Variants in ZNF800 observed in about 807,000 individuals in gnomAD.
ZNF800 encodes the protein zinc finger protein 800.
ZNF800 carries 13 observed loss-of-function variants against 59.5 expected under a neutral mutation model. The ratio of observed to expected loss-of-function variants is 0.22; its 90% confidence interval spans 0.14 to 0.35. The LOEUF (loss-of-function observed/expected upper bound fraction) is 0.35, where lower values mean the gene tolerates loss of function less well. ZNF800 is among the 10% of genes least tolerant of loss of function. The pLI is 1.00. For synonymous variants in ZNF800, 266 were observed against 265.7 expected (o/e 1.00, Z -0.01); for missense variants, 621 against 783.7 (o/e 0.79, Z 2.48).
rs1467810032 is a variant in ZNF800 at position 127,377,711 on chromosome 7, G to C, written c.158-382C>G. On this transcript the variant is annotated intron_variant, in intron 3 of 5. Coordinates refer to ENST00000265827, the MANE Select transcript of ZNF800 (RefSeq NM_176814.5). This position sits in a 1 kb window ranked among gnomAD's most constrained non-coding sequence, Gnocchi z 4.7. ...TTGGAGTAGGACAGAAAAATTAAAT[G>C]TTCCCCCATTATTCCCTGGCAAACT... 6.6e-6 allele frequency among the ~76,000 whole-genome samples: 1 copy of C among 152,016 alleles called. No individual in the cohort carries two copies. Among genetic ancestry groups the C allele is most frequent in the East Asian group, 1.9e-4 (1 of 5,198 alleles).
intron 1 of ZNF800, among the ~76,000 whole-genome samples, chr7:127,359,569 C>T (rs533243657): frequency 4.8e-4 from 73 of 152,140 alleles, no homozygotes; most frequent in African/African-American, 1.7e-3. Context: ...CTAGTCCTAA[C>T]AATATCATAA....
downstream of ZNF800, among the ~76,000 whole-genome samples, chr7:127,343,755 G>A (rs1349631275): frequency 1.3e-5 from 2 of 151,840 alleles, no homozygotes; most frequent in Non-Finnish European, 2.9e-5. Context: ...GTTCAACATT[G>A]TTACAAGAAA....
downstream of ZNF800, among the ~76,000 whole-genome samples, chr7:127,366,822 A>C (rs1302816307): frequency 1.3e-5 from 2 of 152,138 alleles, no homozygotes; most frequent in Non-Finnish European, 2.9e-5. Flanking sequence ...AAGAGCAGCC[A>C]ATCTACAGAC....
chr7:127,354,469 C>T (rs1158888344), intron 1 of ZNF800, among the ~76,000 whole-genome samples: 1 of 148,808 alleles, frequency 6.7e-6, no homozygotes, highest in African/African-American at 2.5e-5. Context: ...AATTTTCAGA[C>T]ATTGTTAAGT....
rs35499163 is a variant in ZNF800, at chr7:127,381,439, A to AATAT, written c.158-4114_158-4111dup. 9.2e-5 allele frequency among the ~76,000 whole-genome samples: 14 copies of AATAT among 151,382 alleles called. No homozygotes were observed. The East Asian group carries it at 1.2e-3, about 13-fold the overall frequency. On this transcript the variant is annotated intron_variant, in intron 3 of 5. Transcript: ENST00000265827. ...AACTATCACCTGTAAGGGCTGGTTA[A>AATAT]ATATATATATATGTTAATTATAGAG...
downstream of ZNF800, among the ~76,000 whole-genome samples, chr7:127,366,153 T>TA (rs1483714326): frequency 1.3e-5 from 2 of 152,054 alleles, no homozygotes; most frequent in East Asian, 1.9e-4. Context: ...TCTTGACTCT[T>TA]AAAAAATCCG....
At chr7:127,366,571 G>T (rs1419397), downstream of ZNF800, among the ~76,000 whole-genome samples, 138,983 of 152,208 alleles carry the variant, frequency 0.91, 63,537 homozygotes, top group East Asian at 1. Flanking sequence ...TTTCTCAGTA[G>T]GGAAAGGATT....
chr7:127,386,871 T>C (rs913834164), intron 2 of ZNF800, among the ~76,000 whole-genome samples: 2 of 152,148 alleles, frequency 1.3e-5, no homozygotes, highest in Non-Finnish European at 2.9e-5. Context: ...ACATAGGTTA[T>C]AGAATATGAT....
chr7:127,358,673 G>A (rs992604239), intron 1 of ZNF800, among the ~76,000 whole-genome samples: 14 of 151,988 alleles, frequency 9.2e-5, no homozygotes, highest in Admixed American at 2.0e-4. Flanking sequence ...CAAAACTCAA[G>A]AATAAATTTA....
downstream of ZNF800, among the ~76,000 whole-genome samples, chr7:127,368,562 T>C (rs1166138241): frequency 6.6e-6 from 1 of 152,112 alleles, no homozygotes; most frequent in East Asian, 1.9e-4. Context: ...CTTCAATGGG[T>C]CACTGCAGGA....
intron 2 of ZNF800, among the ~76,000 whole-genome samples, chr7:127,388,280 C>CA (rs1485546878): frequency 6.6e-6 from 1 of 152,158 alleles, no homozygotes; most frequent in Non-Finnish European, 1.5e-5. Context: ...ACCAAAAAAT[C>CA]TTTTTTCAAA....
chr7:127,365,919 A>G (rs1800496586), downstream of ZNF800, among the ~76,000 whole-genome samples: 1 of 152,160 alleles, frequency 6.6e-6, no homozygotes, highest in Admixed American at 6.5e-5. Flanking sequence ...AGTGATCACT[A>G]CGACAGTAAT....
downstream of ZNF800, among the ~76,000 whole-genome samples, chr7:127,346,481 G>C (rs1423827151): frequency 1.3e-5 from 2 of 152,206 alleles, no homozygotes; most frequent in African/African-American, 4.8e-5. Context: ...AGAAATTGCT[G>C]TTCAAGAGTG....
At chr7:127,376,586 TA>T (rs1800792717) in intron 4 of ZNF800, among the ~76,000 whole-genome samples, 1 of 151,940 alleles carries the variant, frequency 6.6e-6, no homozygotes, top group Non-Finnish European at 1.5e-5. Context: ...GATCTCAAGT[TA>T]GCCTGTAACA....
downstream of ZNF800, among the ~76,000 whole-genome samples, chr7:127,344,174 A>T (rs766800104): frequency 8.6e-5 from 13 of 152,032 alleles, no homozygotes; most frequent in Non-Finnish European, 1.6e-4. Context: ...AAGAGAATCA[A>T]CTAGGGAGTA....
At chr7:127,354,227 A>T (rs1405207572) in intron 1 of ZNF800, among the ~76,000 whole-genome samples, 1 of 152,092 alleles carries the variant, frequency 6.6e-6, no homozygotes, top group South Asian at 2.1e-4. Flanking sequence ...AATTTCCCTT[A>T]TTATTTTTTA....
chr7:127,377,193 C>A lies in ZNF800; in HGVS notation c.294G>T (p.Met98Ile), dbSNP rs770578133. ...TATATGAATAAAACTTACTGTCATC[C>A]ATCTGGAGACTTGGTGGGCAGTAGA... ...KKFYCPPSLQ[M>I]DDNLPDVNDK... The change falls in exon 4 of 6, where the codon ATG becomes ATT. Residue 98 changes from methionine (M) to isoleucine (I), a missense_variant. By Grantham distance (10) the Met-to-Ile change is conservative. Around this residue, in one of 7 missense-constraint regions of ZNF800, gnomAD observed 218 missense variants for 230.8 expected, o/e 0.94. Coordinates refer to ENST00000265827, the MANE Select transcript of ZNF800 (RefSeq NM_176814.5). The surrounding 1 kb of genome is among the most constrained non-coding windows in gnomAD (Gnocchi z 4.7). 1 of 1,610,204 alleles carries A rather than the reference C, an allele frequency of 6.2e-7. No individual in the cohort carries two copies. The highest frequency in any genetic ancestry group is 8.5e-7 in the Non-Finnish European group (1 of 1,178,016).
chr7:127,377,800 T>A lies in ZNF800; in HGVS notation c.158-471A>T, dbSNP rs1800827957. Among the ~76,000 whole-genome samples, 1 of 152,046 alleles carries A rather than the reference T, an allele frequency of 6.6e-6. No homozygotes were observed. The highest frequency in any genetic ancestry group is 2.1e-4 in the South Asian group (1 of 4,826). The stretch of plus-strand genomic sequence containing the variant: ...AGTAAGCAAGGAGTTTTTCAATACA[T>A]TTTCCCCTTATTCCTTAAAGAAGGT... On this transcript the variant is annotated intron_variant, in intron 3 of 5. Transcript: ENST00000265827. This position sits in a 1 kb window ranked among gnomAD's most constrained non-coding sequence, Gnocchi z 4.7.
At chr7:127,372,801 T>G (rs1455863651) in intron 5 of ZNF800, 2 of 985,294 alleles carry the variant, frequency 2.0e-6, no homozygotes, top group African/African-American at 1.7e-5. Context: ...CTAATCATTT[T>G]TAATTCAATT....
Sources: gnomAD v4.1 joint callset for allele counts (sites outside exome capture counted in the v4.1 genomes callset) on GRCh38, gnomAD v4.1.1 for gene constraint, gnomAD v4.1.1 regional missense constraint, Gnocchi (gnomAD v3.1) non-coding constraint, MANE v1.5 for transcripts, NCBI Gene and HGNC (gene_info 2026-07-23, HGNC 2026-07-21) for gene names.